Variants in CC2D1A observed in about 807,000 individuals in gnomAD.
CC2D1A encodes the protein coiled-coil and C2 domain containing 1A, also known as coiled-coil and C2 domain-containing protein 1A.
CC2D1A carries 68 observed loss-of-function variants against 123.8 expected under a neutral mutation model. The observed-to-expected ratio is 0.55, with a 90% CI of 0.45 to 0.67. The LOEUF (loss-of-function observed/expected upper bound fraction) is 0.67, where lower values mean the gene tolerates loss of function less well. Ranked by LOEUF, CC2D1A falls within the 30% of genes least tolerant of loss-of-function variation. The probability of loss-of-function intolerance (pLI) is 0.00; values close to 1 mark genes in which losing one functional copy is unlikely to be tolerated. For missense variants in CC2D1A, 1,185 were observed against 1,290.3 expected, an observed-to-expected ratio of 0.92 and a Z score of 1.25; for synonymous variants, 477 against 528.0, an observed-to-expected ratio of 0.90 and a Z score of 1.32.
Position 13,928,364 on chromosome 19 carries a change from C to T in CC2D1A, c.2519+176C>T, listed in dbSNP as rs543200751. Among the ~76,000 whole-genome samples the T allele has an allele frequency of 3.9e-5, 6 of 152,258 alleles. No individual in the cohort carries two copies. The South Asian group carries it at 1.2e-3, about 32-fold the overall frequency. ...AAACTCCTTGGTTTGGTCTTTAAAACCTTTTGTGATCTGACCATTGTCAAC... is the reference window on the plus strand; with the variant it reads ...AAACTCCTTGGTTTGGTCTTTAAAATCTTTTGTGATCTGACCATTGTCAAC... On this transcript the variant is annotated intron_variant, in intron 24 of 28. Coordinates refer to ENST00000318003, the MANE Select transcript of CC2D1A (RefSeq NM_017721.5).
intron 17 of CC2D1A, among the ~76,000 whole-genome samples, chr19:13,925,918 TA>T (rs34627490): frequency 0.029 from 1,608 of 55,196 alleles, 44 homozygotes; most frequent in Middle Eastern, 0.056. Context: ...AGACTCTGTC[TA>T]AAAAAAAAAA....
At chr19:13,927,640 T>C (rs560230074) in intron 22 of CC2D1A, 78 of 500,116 alleles carry the variant, frequency 1.6e-4, no homozygotes, top group African/African-American at 1.3e-3. Context: ...TAGCCAGGCA[T>C]GGTGGCGGGC....
Position 13,918,051 on chromosome 19 carries a change from ATGT to A in CC2D1A, c.749-14_749-12del. The A allele has an allele frequency of 1.9e-6, 3 of 1,612,648 alleles. No homozygotes were observed. The highest frequency in any genetic ancestry group is 2.5e-6 in the Non-Finnish European group (3 of 1,179,704). On this transcript the variant is annotated splice_polypyrimidine_tract_variant and intron_variant, in intron 6 of 28. Coordinates refer to ENST00000318003, the MANE Select transcript of CC2D1A (RefSeq NM_017721.5). Reference sequence around the variant, plus strand: ...GGCCCAGGCCCTGGAGGCTTCCTGTATGTTGTTCTCCCTTCCAGGTCCCTGCAG... The same window carrying A: ...GGCCCAGGCCCTGGAGGCTTCCTGTATGTTCTCCCTTCCAGGTCCCTGCAG...
Position 13,930,140 on chromosome 19 carries a change from A to C in CC2D1A, c.2773A>C (p.Asn925His). Residue 925 changes from asparagine to histidine, a missense_variant, in exon 27 of 29, where the codon AAC becomes CAC. Coordinates refer to ENST00000318003, the MANE Select transcript of CC2D1A (RefSeq NM_017721.5). The surrounding 1 kb of genome is among the most constrained non-coding windows in gnomAD (Gnocchi z 6.8). ...CACGGAGGCTGCCCGGCGCCTGGGCAACGATGGCAGCAGGGTGAGCTGGTC... is the reference window on the plus strand; with the variant it reads ...CACGGAGGCTGCCCGGCGCCTGGGCCACGATGGCAGCAGGGTGAGCTGGTC... The part of the protein sequence containing the change: ...FYTEAARRLG[N>H]DGSRDAAKEA... The C allele has an allele frequency of 6.2e-7, 1 of 1,613,272 alleles. No homozygotes were observed. The highest frequency in any genetic ancestry group is 8.5e-7 in the Non-Finnish European group (1 of 1,179,738).
At chr19:13,924,672 GT>G (rs759408452) in intron 17 of CC2D1A, among the ~76,000 whole-genome samples, 1 of 152,172 alleles carries the variant, frequency 6.6e-6, no homozygotes, top group Non-Finnish European at 1.5e-5. Context: ...GTTTCATTCA[GT>G]TGGCCAGGCT....
In CC2D1A at chr19:13,912,580, C is replaced by T; in HGVS notation, c.365C>T (p.Pro122Leu). 6.2e-7 allele frequency: 1 copy of T among 1,614,042 alleles called. No homozygotes were observed. The highest frequency in any genetic ancestry group is 8.5e-7 in the Non-Finnish European group (1 of 1,180,030). The change falls in exon 4 of 29, where the codon CCT (proline) becomes CTT (leucine). Residue 122 changes from proline to leucine, a missense_variant. Coordinates refer to ENST00000318003, the MANE Select transcript of CC2D1A (RefSeq NM_017721.5). ...GEEQKASETP[P>L]PVAQPKPEAP... ...GAGCAGAAGGCTTCAGAGACCCCAC[C>T]TCCTGTGGCCCAGGTACAGTTTGGA...
rs752806837 is a variant in CC2D1A, at chr19:13,923,295, GTCC to G, written c.1642-33_1642-31del. 6.3e-7 allele frequency: 1 copy of G among 1,579,738 alleles called. No individual in the cohort carries two copies. The highest frequency in any genetic ancestry group is 8.5e-7 in the Non-Finnish European group (1 of 1,169,860). ...TGCAGAGCCCTAGGTGGGCCTGCTT[GTCC>G]TCCTTACCCCCGCCACCAGCCTCGT... On this transcript the variant is annotated intron_variant, in intron 14 of 28. Transcript: ENST00000318003. The surrounding 1 kb of genome is among the most constrained non-coding windows in gnomAD (Gnocchi z 5.3).
chr19:13,924,927 C>T (rs1315195916), intron 17 of CC2D1A, among the ~76,000 whole-genome samples: 1 of 152,130 alleles, frequency 6.6e-6, no homozygotes, highest in Non-Finnish European at 1.5e-5. Flanking sequence ...TCAGCTTTGG[C>T]CACAAGGGAC....
chr19:13,927,865 C>T, intron 22 of CC2D1A, 28 bp from the exon 23 acceptor site: 1 of 1,609,544 alleles, frequency 6.2e-7, no homozygotes, highest in Non-Finnish European at 8.5e-7. Flanking sequence ...CTGCTTCCCA[C>T]CAACAGTTTC....
intron 11 of CC2D1A, 100 bp downstream of exon 11, chr19:13,919,302 T>G: frequency 3.3e-6 from 3 of 907,518 alleles, no homozygotes; most frequent in Non-Finnish European, 5.0e-6. Context: ...CAAGCTCCTG[T>G]TCCTCCAGCC....
rs1568411068 is a variant in CC2D1A at position 13,918,600 on chromosome 19, C to G, written c.946+24C>G. 11 of 1,610,356 alleles carry G rather than the reference C, an allele frequency of 6.8e-6. No homozygotes were observed. In the East Asian group the frequency reaches 2.5e-4, roughly 36 times the overall value. On this transcript the variant is annotated intron_variant, in intron 8 of 28. Coordinates refer to ENST00000318003, the MANE Select transcript of CC2D1A (RefSeq NM_017721.5). ...CGGTGAGAACCCTGCCATGCCCACT[C>G]TCTGGGATGGTTTCAGGCATACACT... is the stretch of plus-strand genomic sequence containing the variant.
At chr19:13,921,009 T>C in intron 14 of CC2D1A, 87 bp downstream of exon 14, 1 of 1,282,978 alleles carries the variant, frequency 7.8e-7, no homozygotes, top group Non-Finnish European at 1.1e-6. Context: ...AGAAGTGTAT[T>C]AGTCAAGGTC....
intron 14 of CC2D1A, among the ~76,000 whole-genome samples, chr19:13,922,829 C>T (rs1003087873): frequency 1.2e-4 from 18 of 152,102 alleles, no homozygotes; most frequent in African/African-American, 1.2e-4. Context: ...CCACTGCACC[C>T]GGCACCATAC....
In CC2D1A at chr19:13,913,519, C is replaced by T. The variant is rs778439512; in HGVS notation, c.629C>T (p.Ala210Val). Residue 210 changes from alanine (A) to valine (V), a missense_variant, in exon 6 of 29, where the codon GCA becomes GTA. Ala to Val is a moderately conservative substitution (Grantham distance 64). Coordinates refer to ENST00000318003, the MANE Select transcript of CC2D1A (RefSeq NM_017721.5). ...GPASTPTYSP[A>V]PTQPAPRIAS... The stretch of plus-strand genomic sequence containing the variant: ...GCGTCCACGCCTACCTACAGCCCTG[C>T]ACCCACCCAGCCGGCCCCTAGAATC... 34 of 1,614,044 alleles carry T rather than the reference C, an allele frequency of 2.1e-5. No individual in the cohort carries two copies. Among genetic ancestry groups the T allele is most frequent in the Middle Eastern group, 1.6e-4 (1 of 6,084 alleles).
chr19:13,906,645 A>C lies in CC2D1A; in HGVS notation c.60+144A>C, dbSNP rs1319985874. 9.4e-6 allele frequency: 5 copies of C among 534,224 alleles called. No individual in the cohort carries two copies. Among genetic ancestry groups the C allele is most frequent in the Non-Finnish European group, 1.6e-5 (5 of 311,862 alleles). The allele number at this position is 534,224 out of a possible 1,614,324, so 33.1% of individuals were successfully genotyped here. A position where few individuals can be genotyped will look rare whatever the true frequency, so the allele number is the denominator to read the frequency against. ...CCGCCTCCCCCCAGGTGAGGCTCCA[A>C]CACCACCCAAGTGTGGCCTACTGGC... is the stretch of plus-strand genomic sequence containing the variant. On this transcript the variant is annotated intron_variant, in intron 1 of 28. Transcript: ENST00000318003. This position sits in a 1 kb window ranked among gnomAD's most constrained non-coding sequence, Gnocchi z 4.1.
rs1214594376 is a variant in CC2D1A, at chr19:13,929,365, C to T, written c.2520-14C>T. ...GGAATCTCTGCAGTCCCTTATCCTT[C>T]CTCCACCCCTTAGATCAGCCCGGCC... On this transcript the variant is annotated splice_polypyrimidine_tract_variant and intron_variant, in intron 24 of 28. Transcript: ENST00000318003. The T allele has an allele frequency of 3.1e-6, 5 of 1,613,280 alleles. No homozygotes were observed. The Admixed American group carries it at 5.0e-5, about 16-fold the overall frequency.
In CC2D1A at chr19:13,927,275, G is replaced by T; in HGVS notation, c.2316+10G>T. The T allele has an allele frequency of 6.2e-7, 1 of 1,609,056 alleles. No individual in the cohort carries two copies. The highest frequency in any genetic ancestry group is 1.3e-5 in the African/African-American group (1 of 74,912). On this transcript the variant is annotated intron_variant, in intron 22 of 28. Transcript: ENST00000318003. ...CCGGGAGATCCTTGAGGTGAGAGGT[G>T]GACATTCATCCGCGTGCTCCGGTAT...
chr19:13,910,164 C>A (rs896597723), intron 2 of CC2D1A, among the ~76,000 whole-genome samples: 2 of 150,376 alleles, frequency 1.3e-5, no homozygotes, highest in Non-Finnish European at 3.0e-5. Flanking sequence ...TTTGGGAGGC[C>A]GAGGCAGGCA....
Position 13,923,534 on chromosome 19 carries a change from T to G in CC2D1A, c.1765-14T>G, listed in dbSNP as rs529035775. 4.3e-6 allele frequency: 7 copies of G among 1,613,832 alleles called. No individual in the cohort carries two copies. In the South Asian group the frequency reaches 7.7e-5, roughly 18 times the overall value. On this transcript the variant is annotated splice_polypyrimidine_tract_variant and intron_variant, in intron 15 of 28. Transcript: ENST00000318003. The surrounding 1 kb of genome is among the most constrained non-coding windows in gnomAD (Gnocchi z 5.3). ...TCTTCCCTTCCCTCGACTCACTGCC[T>G]TCTGTTTCCCCAGATGTGCCTGAAC...
Sources: allele counts gnomAD v4.1 joint callset (sites outside exome capture counted in the v4.1 genomes callset), GRCh38; gene constraint gnomAD v4.1.1; non-coding constraint Gnocchi (gnomAD v3.1); transcripts MANE v1.5; gene names NCBI Gene and HGNC (gene_info 2026-07-23, HGNC 2026-07-21).